DDAH1: variants seen among roughly 807,000 people sequenced by gnomAD.
DDAH1 encodes the protein N(G),N(G)-dimethylarginine dimethylaminohydrolase 1.
In DDAH1, 19 loss-of-function variants were observed where a neutral mutation model predicts 28.8. That is an observed-to-expected ratio of 0.66 (90% CI 0.46 to 0.97). The LOEUF is 0.97. Ranked by LOEUF, DDAH1 falls within the 50% of genes least tolerant of loss-of-function variation. The probability of loss-of-function intolerance (pLI) is 0.00; values close to 1 mark genes in which losing one functional copy is unlikely to be tolerated. For synonymous variants in DDAH1, 153 were observed against 154.4 expected, an observed-to-expected ratio of 0.99 and a Z score of 0.07; for missense variants, 326 against 375.9, an observed-to-expected ratio of 0.87 and a Z score of 1.10.
chr1:85,426,674 G>A (rs6673791), intron 1 of DDAH1, among the ~76,000 whole-genome samples: 4,255 of 152,164 alleles, frequency 0.028, 205 homozygotes, highest in African/African-American at 0.097. Context: ...TTGGGAGGTC[G>A]AGGTGGGAGG....
At chr1:85,394,945 G>A (rs957308603) in intron 1 of DDAH1, among the ~76,000 whole-genome samples, 8 of 152,108 alleles carry the variant, frequency 5.3e-5, no homozygotes, top group Admixed American at 3.9e-4. Context: ...ATAAAACGTT[G>A]GCATATGATA....
At chr1:85,460,597 T>TA (rs1248345832) in intron 1 of DDAH1, among the ~76,000 whole-genome samples, 2 of 151,612 alleles carry the variant, frequency 1.3e-5, no homozygotes, top group Non-Finnish European at 2.9e-5. Context: ...CAAATAAATT[T>TA]AAAAAAAAAG....
chr1:85,391,920 C>T (rs973728103), intron 1 of DDAH1, among the ~76,000 whole-genome samples: 1 of 152,132 alleles, frequency 6.6e-6, no homozygotes. Context: ...GATTGACAGG[C>T]CTTTGGGGGA....
At chr1:85,415,197 G>T (rs1004659596) in intron 1 of DDAH1, among the ~76,000 whole-genome samples, 1 of 151,766 alleles carries the variant, frequency 6.6e-6, no homozygotes, top group Non-Finnish European at 1.5e-5. Context: ...TGTAATTTTA[G>T]TAGAGACAGG....
chr1:85,518,578 C>T (rs1236158130), intron 1 of DDAH1, among the ~76,000 whole-genome samples: 1 of 152,180 alleles, frequency 6.6e-6, no homozygotes, highest in African/African-American at 2.4e-5. Context: ...CTATCTCTCT[C>T]ACCCTGCTTC....
chr1:85,458,924 T>A (rs1655013464), intron 1 of DDAH1, among the ~76,000 whole-genome samples: 2 of 152,168 alleles, frequency 1.3e-5, no homozygotes, highest in Admixed American at 6.5e-5. Context: ...ACTACACATA[T>A]CCAGATCTCC....
At position 85,464,575 on chromosome 1, in the gene DDAH1, C is replaced by T. The variant is rs1215544311; in HGVS notation, c.303+168G>A. 21 of 1,503,680 alleles carry T rather than the reference C, an allele frequency of 1.4e-5. No individual in the cohort carries two copies. Among genetic ancestry groups the T allele is most frequent in the Non-Finnish European group, 1.6e-5 (18 of 1,133,198 alleles). The allele number at this position is 1,503,680 out of a possible 1,614,324, so 93.1% of individuals were successfully genotyped here. A position where few individuals can be genotyped will look rare whatever the true frequency, so the allele number is the denominator to read the frequency against. ...GCCGGGAGGTGTGAACAATGAACTT[C>T]TCTCTGACTCTCTGACACACACACA... is the stretch of plus-strand genomic sequence containing the variant. On this transcript the variant is annotated intron_variant, in intron 1 of 5. Coordinates refer to ENST00000284031, the MANE Select transcript of DDAH1 (RefSeq NM_012137.4). This position sits in a 1 kb window ranked among gnomAD's most constrained non-coding sequence, Gnocchi z 4.4.
At chr1:85,383,953 C>T (rs1651124684) in intron 1 of DDAH1, among the ~76,000 whole-genome samples, 1 of 152,114 alleles carries the variant, frequency 6.6e-6, no homozygotes, top group Non-Finnish European at 1.5e-5. Flanking sequence ...AAAATTGTGA[C>T]TCCCTTTATT....
intron 1 of DDAH1, among the ~76,000 whole-genome samples, chr1:85,393,102 C>T (rs1321012113): frequency 1.3e-5 from 2 of 152,106 alleles, no homozygotes; most frequent in Non-Finnish European, 2.9e-5. Context: ...TTGTTTTATT[C>T]CCTCAAACGA....
At chr1:85,574,584 C>T (rs1659545790) in intron 1 of DDAH1, among the ~76,000 whole-genome samples, 1 of 152,204 alleles carries the variant, frequency 6.6e-6, no homozygotes, top group South Asian at 2.1e-4. Flanking sequence ...AGTATCCACA[C>T]AGCATTTATG....
At chr1:85,488,533 A>T (rs1656281473) in intron 2 of DDAH1, 1 of 152,194 alleles carries the variant, frequency 6.6e-6, no homozygotes, top group Admixed American at 6.5e-5. Context: ...TCATCATCAT[A>T]TTGAGGGTTA....
At chr1:85,334,483 G>C (rs1647985169) in intron 4 of DDAH1, among the ~76,000 whole-genome samples, 1 of 152,152 alleles carries the variant, frequency 6.6e-6, no homozygotes, top group East Asian at 1.9e-4. Context: ...TCCCAATGTT[G>C]GGGGAGGGAC....
intron 2 of DDAH1, among the ~76,000 whole-genome samples, chr1:85,490,724 A>C (rs888807834): frequency 1.3e-5 from 2 of 152,272 alleles, no homozygotes; most frequent in Non-Finnish European, 2.9e-5. Context: ...CTCTAAGATA[A>C]TGCCCAAATG....
At chr1:85,353,407 A>C (rs1247117414) in intron 2 of DDAH1, among the ~76,000 whole-genome samples, 4 of 152,192 alleles carry the variant, frequency 2.6e-5, no homozygotes, top group African/African-American at 9.7e-5. Context: ...TATAACTTTA[A>C]TCTTCATAAT....
intron 1 of DDAH1, among the ~76,000 whole-genome samples, chr1:85,388,861 C>T (rs531147585): frequency 7.9e-5 from 12 of 152,188 alleles, no homozygotes; most frequent in East Asian, 5.8e-4. Context: ...TAAAGTTCAC[C>T]GGCCCAGGAT....
At chr1:85,404,549 G>GAA in intron 1 of DDAH1, 8 of 1,290,332 alleles carry the variant, frequency 6.2e-6, no homozygotes, top group Admixed American at 3.5e-5. Flanking sequence ...GCTCCAGACA[G>GAA]AAAAAAAAAT....
In DDAH1 at chr1:85,525,694, G is replaced by A. The variant is rs1418901676; in HGVS notation, c.-122-29413C>T. 6.6e-5 allele frequency among the ~76,000 whole-genome samples: 10 copies of A among 152,042 alleles called. No individual in the cohort carries two copies. In the South Asian group the frequency reaches 1.5e-3, roughly 22 times the overall value. Reference sequence around the variant, plus strand: ...GGACACATAGCTTCTGAGTGATGGCGTAACAAGTTGCTATTTATACCCCAT... The same window carrying A: ...GGACACATAGCTTCTGAGTGATGGCATAACAAGTTGCTATTTATACCCCAT... On this transcript the variant is annotated intron_variant, in intron 1 of 6. Coordinates refer to the DDAH1 transcript ENST00000426972.
At chr1:85,424,502 TAAAGA>T (rs911152858) in intron 1 of DDAH1, among the ~76,000 whole-genome samples, 7 of 152,082 alleles carry the variant, frequency 4.6e-5, no homozygotes, top group African/African-American at 1.4e-4. Context: ...ACTATATAAG[TAAAGA>T]AAAGAAGATC....
At chr1:85,516,117 G>T (rs502101) in intron 1 of DDAH1, among the ~76,000 whole-genome samples, 37,483 of 149,252 alleles carry the variant, frequency 0.25, 4,877 homozygotes, top group African/African-American at 0.3. Context: ...CTACCTTAAC[G>T]ACCTCCTTAA....
Sources: gnomAD v4.1 joint callset for allele counts (sites outside exome capture counted in the v4.1 genomes callset) on GRCh38, gnomAD v4.1.1 for gene constraint, Gnocchi (gnomAD v3.1) non-coding constraint, MANE v1.5 for transcripts, NCBI Gene and HGNC (gene_info 2026-07-23, HGNC 2026-07-21) for gene names.